Variants in RASGRP2 observed in about 807,000 individuals in gnomAD.
RASGRP2 encodes RAS guanyl-releasing protein 2.
In RASGRP2, 44 loss-of-function variants were observed where a neutral mutation model predicts 71.0. That is an observed-to-expected ratio of 0.62 (90% CI 0.49 to 0.80). The LOEUF is 0.80. RASGRP2 is among the 30% of genes least tolerant of loss of function. The probability of loss-of-function intolerance (pLI) is 0.00; values close to 1 mark genes in which losing one functional copy is unlikely to be tolerated. For synonymous variants in RASGRP2, 350 were observed against 330.7 expected, an observed-to-expected ratio of 1.06 and a Z score of -0.63; for missense variants, 663 against 813.4, an observed-to-expected ratio of 0.82 and a Z score of 2.25.
Position 64,736,816 on chromosome 11 carries a change from C to T in RASGRP2, c.1032G>A (p.Leu344=). The T allele has an allele frequency of 1.2e-5, 20 of 1,611,622 alleles. No homozygotes were observed. Among genetic ancestry groups the T allele is most frequent in the Non-Finnish European group, 1.7e-5 (20 of 1,179,578 alleles). ...MKQLFSILEE[L]AMVTSLRPPV... ...GTGGCCGCAGGCTGGTCACCATGGC[C>T]AGCTCCTCCAGGATGCTAAAGAGCT... The change falls in exon 9 of 17, where the codon CTG becomes CTA. Residue 344 remains leucine (L), a synonymous_variant. Transcript: ENST00000394432.
chr11:64,727,928 T>G (rs1174820204), intron 15 of RASGRP2, among the ~76,000 whole-genome samples: 1 of 152,202 alleles, frequency 6.6e-6, no homozygotes, highest in Admixed American at 6.5e-5. Flanking sequence ...GTATTTCACA[T>G]TTTAGACCCC....
At chr11:64,733,650 G>A (rs565031129) in intron 12 of RASGRP2, among the ~76,000 whole-genome samples, 2 of 152,200 alleles carry the variant, frequency 1.3e-5, no homozygotes, top group South Asian at 4.1e-4. Context: ...GCCACAAGCA[G>A]AACTAGATTT....
At position 64,743,272 on chromosome 11, in the gene RASGRP2, C is replaced by T. The variant is rs1423803051; in HGVS notation, c.-71-335G>A. The T allele has an allele frequency of 6.3e-6, 3 of 476,430 alleles. No homozygotes were observed. Among genetic ancestry groups the T allele is most frequent in the South Asian group, 4.6e-5 (3 of 64,652 alleles). 29.5% of individuals were successfully genotyped at this position (476,430 alleles called of 1,614,324 possible). ...GCCCTCTCCCCAGAGGCACCTGCAG[C>T]ACCCCGCAGCTCGGCTCTGCGCCCC... On this transcript the variant is annotated intron_variant, in intron 1 of 16. Transcript: ENST00000394432. The surrounding 1 kb of genome is among the most constrained non-coding windows in gnomAD (Gnocchi z 4.9).
chr11:64,736,072 T>TGATACTGATC, intron 9 of RASGRP2, 92 bp from the exon 10 acceptor site: 1 of 38,742 alleles, frequency 2.6e-5, no homozygotes, highest in Non-Finnish European at 1.7e-4. Context: ...ACAGCTCAGC[T>TGATACTGATC]CAGAGCTCGG....
chr11:64,737,205 T>C, intron 8 of RASGRP2, 171 bp from the exon 9 acceptor site: 1 of 738,900 alleles, frequency 1.4e-6, no homozygotes, highest in Non-Finnish European at 2.3e-6. Context: ...ATTGAATTCA[T>C]TGCCATGAAT....
chr11:64,737,076 C>T, intron 8 of RASGRP2, 42 bp from the exon 9 acceptor site: 1 of 1,609,694 alleles, frequency 6.2e-7, no homozygotes, highest in Non-Finnish European at 8.5e-7. Flanking sequence ...CACAACTATC[C>T]TCCCTACCTC....
chr11:64,738,985 T>C (rs915507605), intron 8 of RASGRP2, among the ~76,000 whole-genome samples: 3 of 144,186 alleles, frequency 2.1e-5, no homozygotes, highest in African/African-American at 7.6e-5. Flanking sequence ...TTAATAACAA[T>C]ACAAAAATTA....
Position 64,735,106 on chromosome 11 carries a change from C to T in RASGRP2, c.1412+6G>A. On this transcript the variant is annotated splice_donor_region_variant and intron_variant, in intron 12 of 16. Coordinates refer to ENST00000394432, the MANE Select transcript of RASGRP2 (RefSeq NM_001098671.2). This position sits in a 1 kb window ranked among gnomAD's most constrained non-coding sequence, Gnocchi z 4.2. ...CCCTCTCCCCCAGGTCCCCAGCCCT[C>T]CTCACTGGTTCTGGTCGAGGTCCCC... 6.2e-7 allele frequency: 1 copy of T among 1,609,538 alleles called. No individual in the cohort carries two copies.
In RASGRP2 at chr11:64,739,006, C is replaced by G. The variant is rs146446781; in HGVS notation, c.813+354G>C. ...ACAATACAAAAATTAGGCATGGTGG[C>G]GTACACCTGTAGTCCCAGCTACTCA... On this transcript the variant is annotated intron_variant, in intron 8 of 16. Transcript: ENST00000394432. This position sits in a 1 kb window ranked among gnomAD's most constrained non-coding sequence, Gnocchi z 4.2. Among the ~76,000 whole-genome samples, 1 of 151,082 alleles carries G rather than the reference C, an allele frequency of 6.6e-6. No individual in the cohort carries two copies. Among genetic ancestry groups the G allele is most frequent in the Admixed American group, 6.6e-5 (1 of 15,136 alleles).
chr11:64,735,508 C>T lies in RASGRP2; in HGVS notation c.1296+34G>A. ...GCAGTGCTCCGGCAAACTGGCCTCTCCCCACACACTGCTCAGGCTCCGCAG... is the reference window on the plus strand; with the variant it reads ...GCAGTGCTCCGGCAAACTGGCCTCTTCCCACACACTGCTCAGGCTCCGCAG... On this transcript the variant is annotated intron_variant, in intron 11 of 16. Transcript: ENST00000394432. This position sits in a 1 kb window ranked among gnomAD's most constrained non-coding sequence, Gnocchi z 4.2. 1 of 1,613,356 alleles carries T rather than the reference C, an allele frequency of 6.2e-7. No individual in the cohort carries two copies. The highest frequency in any genetic ancestry group is 8.5e-7 in the Non-Finnish European group (1 of 1,179,994).
chr11:64,743,028 C>G lies in RASGRP2; in HGVS notation c.-71-91G>C. 1.5e-6 allele frequency: 2 copies of G among 1,355,394 alleles called. No homozygotes were observed. The highest frequency in any genetic ancestry group is 2.0e-6 in the Non-Finnish European group (2 of 987,418). 84.0% of individuals were successfully genotyped at this position (1,355,394 alleles called of 1,614,324 possible). On this transcript the variant is annotated intron_variant, in intron 1 of 16. Coordinates refer to ENST00000394432, the MANE Select transcript of RASGRP2 (RefSeq NM_001098671.2). The surrounding 1 kb of genome is among the most constrained non-coding windows in gnomAD (Gnocchi z 4.9). ...AAACGGGGCGGGGCGGGCACGCCCC[C>G]TGCTGGACAGGGGCGGAGTTGTCCC...
At chr11:64,730,278 T>C (rs1565500605) in intron 12 of RASGRP2, 84 bp from the exon 13 acceptor site, 2 of 1,517,888 alleles carry the variant, frequency 1.3e-6, no homozygotes. Flanking sequence ...CTGTTCCCAG[T>C]GTCCTCATGG....
intron 15 of RASGRP2, 82 bp downstream of exon 15, chr11:64,728,781 A>T (rs1424821905): frequency 2.6e-5 from 35 of 1,362,538 alleles, no homozygotes; most frequent in Admixed American, 8.9e-5. Flanking sequence ...TGCACTTTGG[A>T]ATGGCTTCCA....
In RASGRP2 at chr11:64,741,024, G is replaced by A; in HGVS notation, c.295C>T (p.Gln99Ter). The change falls in exon 5 of 17, where the codon CAG (glutamine) becomes TAG (stop). Residue 99 changes from glutamine to a stop codon, truncating the protein, a stop_gained. Transcript: ENST00000394432. LOFTEE classifies it high-confidence loss of function. Reference protein sequence around the residue: ...EFDLNPELAEQIKELKALLDQ... With the variant: ...EFDLNPELAE ...AGCAGAGCCTTCAGCTCCTTGATCT[G>A]CTCAGCCAACTCCGGGTTCAAGTCA... The A allele has an allele frequency of 6.2e-7, 1 of 1,613,714 alleles. No individual in the cohort carries two copies.
At position 64,729,071 on chromosome 11, in the gene RASGRP2, A is replaced by G. The variant is rs568353962; in HGVS notation, c.1592-29T>C. 37 of 1,569,374 alleles carry G rather than the reference A, an allele frequency of 2.4e-5. No homozygotes were observed. The East Asian group carries it at 8.5e-4, about 36-fold the overall frequency. ...GGGGAGAGCAAATGGAGAGCCAGCC[A>G]GGGACATTGGTCAGAATACCCTCCA... On this transcript the variant is annotated intron_variant, in intron 14 of 16. Transcript: ENST00000394432.
chr11:64,741,454 GT>G lies in RASGRP2; in HGVS notation c.223del (p.Thr75ArgfsTer18). The G allele has an allele frequency of 6.4e-7, 1 of 1,573,200 alleles. No individual in the cohort carries two copies. The stretch of plus-strand genomic sequence containing the variant: ...AAAGACTCACCTGACCAGGTGGCAC[GT>G]TTTCACCTGCAGGGAATTGGAGTTG... ...KDNSNSLQVK[T>X]CHLVRYWISA... On this transcript the variant is annotated frameshift_variant, in exon 4 of 17. Transcript: ENST00000394432. LOFTEE classifies it high-confidence loss of function.
chr11:64,743,102 C>A lies in RASGRP2; in HGVS notation c.-71-165G>T. ...CGGTCTGGCCCGGGATGGTGCAACC[C>A]GCCAGTTGGGAAACGGACCCGCAGA... On this transcript the variant is annotated intron_variant, in intron 1 of 16. Coordinates refer to ENST00000394432, the MANE Select transcript of RASGRP2 (RefSeq NM_001098671.2). The surrounding 1 kb of genome is among the most constrained non-coding windows in gnomAD (Gnocchi z 4.9). 1.2e-6 allele frequency: 1 copy of A among 800,312 alleles called. No homozygotes were observed. Among genetic ancestry groups the A allele is most frequent in the Non-Finnish European group, 2.1e-6 (1 of 480,004 alleles). 49.6% of individuals were successfully genotyped at this position (800,312 alleles called of 1,614,324 possible). A position where few individuals can be genotyped will look rare whatever the true frequency, so the allele number is the denominator to read the frequency against.
chr11:64,740,794 G>C, intron 5 of RASGRP2, 154 bp downstream of exon 5: 5 of 973,728 alleles, frequency 5.1e-6, no homozygotes, highest in Non-Finnish European at 8.1e-6. Context: ...AAGCTGCCCA[G>C]AGGAGGCATG....
chr11:64,740,475 A>C (rs1213186550), intron 5 of RASGRP2: 3 of 627,010 alleles, frequency 4.8e-6, no homozygotes, highest in Non-Finnish European at 9.2e-6. Flanking sequence ...ACAGAAACAC[A>C]TGATCACAAA....
Sources: gnomAD v4.1 joint callset for allele counts (sites outside exome capture counted in the v4.1 genomes callset) on GRCh38, gnomAD v4.1.1 for gene constraint, Gnocchi (gnomAD v3.1) non-coding constraint, MANE v1.5 for transcripts, NCBI Gene and HGNC (gene_info 2026-07-23, HGNC 2026-07-21) for gene names.